LAMA2: variants seen among roughly 807,000 people sequenced by gnomAD.
LAMA2 encodes laminin subunit alpha 2.
LAMA2 carries 269 observed loss-of-function variants against 364.8 expected under a neutral mutation model. The observed-to-expected ratio is 0.74, with a 90% CI of 0.67 to 0.82. The LOEUF is 0.82. LAMA2 is among the 40% of genes least tolerant of loss of function. The probability of loss-of-function intolerance (pLI) is 0.00; values close to 1 mark genes in which losing one functional copy is unlikely to be tolerated. For missense variants in LAMA2, 3,807 were observed against 3,873.2 expected (o/e 0.98, Z 0.45); for synonymous variants, 1,379 against 1,370.6 (o/e 1.01, Z -0.14).
chr6:129,383,157 A>G lies in LAMA2; in HGVS notation c.4995A>G (p.Gly1665=). The change falls in exon 35 of 65, where the codon GGA becomes GGG. Residue 1665 remains glycine, a synonymous_variant. Coordinates refer to ENST00000421865, the MANE Select transcript of LAMA2 (RefSeq NM_000426.4). ...TGACAGCAGATGGCGAGCAGACCGGACAGGATGCTGAGAGGACCAACACAA... is the reference window on the plus strand; with the variant it reads ...TGACAGCAGATGGCGAGCAGACCGGGCAGGATGCTGAGAGGACCAACACAA... ...TKVTADGEQT[G]QDAERTNTRA... The G allele has an allele frequency of 6.2e-7, 1 of 1,613,920 alleles. No individual in the cohort carries two copies.
intron 3 of LAMA2, among the ~76,000 whole-genome samples, chr6:129,072,315 A>G (rs1464671544): frequency 1.3e-5 from 2 of 152,190 alleles, no homozygotes; most frequent in African/African-American, 2.4e-5. Context: ...ACTCTTTTGT[A>G]TTAACCACCT....
intron 1 of LAMA2, among the ~76,000 whole-genome samples, chr6:128,979,395 G>A (rs1005519559): frequency 2.6e-5 from 4 of 151,944 alleles, no homozygotes; most frequent in Non-Finnish European, 1.5e-5. Context: ...ATTGAAAATC[G>A]GGTTAGGAAA....
At chr6:129,257,625 G>A (rs957239272) in intron 14 of LAMA2, among the ~76,000 whole-genome samples, 2 of 152,002 alleles carry the variant, frequency 1.3e-5, no homozygotes, top group African/African-American at 4.8e-5. Flanking sequence ...TTAGTAAATT[G>A]TGGTGATCTA....
intron 4 of LAMA2, among the ~76,000 whole-genome samples, chr6:129,107,990 A>G (rs1489260793): frequency 1.3e-5 from 2 of 151,874 alleles, no homozygotes; most frequent in Non-Finnish European, 2.9e-5. Context: ...CTTATTTTTT[A>G]TTTTGGGGTT....
chr6:129,477,814 C>T (rs906779701), intron 53 of LAMA2, among the ~76,000 whole-genome samples: 1 of 152,096 alleles, frequency 6.6e-6, no homozygotes, highest in Admixed American at 6.6e-5. Flanking sequence ...ACAGGGATCT[C>T]ACTCTGTAGC....
intron 1 of LAMA2, among the ~76,000 whole-genome samples, chr6:129,030,926 T>C (rs1375212233): frequency 6.6e-6 from 1 of 152,144 alleles, no homozygotes; most frequent in East Asian, 1.9e-4. Context: ...TTAGTGGTTA[T>C]AGAATGTTGG....
At chr6:129,314,234 A>G (rs1028778378) in intron 23 of LAMA2, among the ~76,000 whole-genome samples, 3 of 152,096 alleles carry the variant, frequency 2.0e-5, no homozygotes, top group Non-Finnish European at 4.4e-5. Context: ...CCCCGTCTCT[A>G]CTAAAAATAC....
chr6:129,395,568 G>A (rs1389610276), intron 37 of LAMA2, among the ~76,000 whole-genome samples: 1 of 152,204 alleles, frequency 6.6e-6, no homozygotes, highest in Non-Finnish European at 1.5e-5. Context: ...TGATTAAGAT[G>A]CAGCTTCAAG....
chr6:129,278,414 A>G (rs1788474847), intron 17 of LAMA2, among the ~76,000 whole-genome samples: 1 of 152,326 alleles, frequency 6.6e-6, no homozygotes, highest in South Asian at 2.1e-4. Context: ...CCAATTTTCA[A>G]AGAAGACATA....
chr6:129,172,669 G>A (rs1780271330), intron 9 of LAMA2, among the ~76,000 whole-genome samples: 1 of 152,234 alleles, frequency 6.6e-6, no homozygotes, highest in Admixed American at 6.5e-5. Flanking sequence ...TACAGAGGCA[G>A]GCAGGCCTCC....
rs533766587 is a variant in LAMA2 at position 129,149,179 on chromosome 6, G to T, written c.1027+83G>T. 41 of 854,770 alleles carry T rather than the reference G, an allele frequency of 4.8e-5. No homozygotes were observed. In the South Asian group the frequency reaches 5.2e-4, roughly 11 times the overall value. The allele number at this position is 854,770 out of a possible 1,614,324, so 52.9% of individuals were successfully genotyped here. A position where few individuals can be genotyped will look rare whatever the true frequency, so the allele number is the denominator to read the frequency against. On this transcript the variant is annotated intron_variant, in intron 7 of 64. Coordinates refer to ENST00000421865, the MANE Select transcript of LAMA2 (RefSeq NM_000426.4). The stretch of plus-strand genomic sequence containing the variant: ...AGTAATGAAAAATAGTGAAATGGCT[G>T]GTTATGCAAATGTGTCAACAAATAC...
At chr6:129,359,580 G>C (rs557998938) in intron 32 of LAMA2, among the ~76,000 whole-genome samples, 1 of 131,070 alleles carries the variant, frequency 7.6e-6, no homozygotes, top group East Asian at 2.1e-4. Context: ...GTGAGAAATA[G>C]AAAATTCAGA....
intron 1 of LAMA2, among the ~76,000 whole-genome samples, chr6:128,955,120 T>A (rs1781064396): frequency 6.6e-6 from 1 of 151,878 alleles, no homozygotes; most frequent in Non-Finnish European, 1.5e-5. Flanking sequence ...AATCCAACAG[T>A]CATTAAAGTT....
intron 3 of LAMA2, among the ~76,000 whole-genome samples, chr6:129,082,050 T>G (rs1045413640): frequency 1.3e-5 from 2 of 152,198 alleles, no homozygotes; most frequent in Admixed American, 1.3e-4. Flanking sequence ...ACAAAACATT[T>G]TACAGTTGGA....
intron 1 of LAMA2, among the ~76,000 whole-genome samples, chr6:128,887,239 T>G (rs1776195923): frequency 6.6e-6 from 1 of 152,146 alleles, no homozygotes; most frequent in African/African-American, 2.4e-5. Flanking sequence ...TGAGAAATTT[T>G]CAGGGGATTC....
chr6:129,072,911 A>C (rs1014002861), intron 3 of LAMA2, among the ~76,000 whole-genome samples: 1 of 152,236 alleles, frequency 6.6e-6, no homozygotes, highest in Non-Finnish European at 1.5e-5. Flanking sequence ...TGCAGTTTTC[A>C]TCTAATTTTA....
At chr6:129,165,501 A>G (rs1779691559) in intron 8 of LAMA2, 75 bp from the exon 9 acceptor site, 3 of 911,378 alleles carry the variant, frequency 3.3e-6, no homozygotes, top group South Asian at 2.8e-5. Context: ...TACTTTGTCT[A>G]TAAAAGTTTG....
At position 129,098,163 on chromosome 6, in the gene LAMA2, A is replaced by T; in HGVS notation, c.397-10A>T. The T allele has an allele frequency of 6.2e-7, 1 of 1,613,926 alleles. No homozygotes were observed. Among genetic ancestry groups the T allele is most frequent in the African/African-American group, 1.3e-5 (1 of 75,026 alleles). ...AATTCAATGTTATTGTTGTTGTTAT[A>T]CTTCCCTAGGTGTTCCAGATCGCGT... On this transcript the variant is annotated splice_polypyrimidine_tract_variant and intron_variant, in intron 3 of 64. Coordinates refer to ENST00000421865, the MANE Select transcript of LAMA2 (RefSeq NM_000426.4).
chr6:129,342,276 G>A (rs938149490), intron 29 of LAMA2, 67 bp from the exon 30 acceptor site: 3 of 1,394,828 alleles, frequency 2.2e-6, no homozygotes, highest in African/African-American at 2.8e-5. Context: ...GCTAGGGACT[G>A]TATGATAAAT....
Sources: allele counts gnomAD v4.1 joint callset (sites outside exome capture counted in the v4.1 genomes callset), GRCh38; gene constraint gnomAD v4.1.1; transcripts MANE v1.5; gene names NCBI Gene and HGNC (gene_info 2026-07-23, HGNC 2026-07-21).